UBXN2A: variants seen among roughly 807,000 people sequenced by gnomAD.
The protein encoded by UBXN2A is UBX domain-containing protein 2A.
In UBXN2A, 28 loss-of-function variants were observed where a neutral mutation model predicts 28.4. That is an observed-to-expected ratio of 0.99 (90% CI 0.73 to 1.35). UBXN2A has a LOEUF of 1.35. Ranked by LOEUF, UBXN2A falls within the 40% of genes most tolerant of loss-of-function variation. The pLI is 0.00. For missense variants in UBXN2A, 253 were observed against 297.9 expected, an observed-to-expected ratio of 0.85 and a Z score of 1.11; for synonymous variants, 97 against 103.6, an observed-to-expected ratio of 0.94 and a Z score of 0.39.
At position 23,985,919 on chromosome 2, in the gene UBXN2A, G is replaced by T. The variant is rs565486719; in HGVS notation, c.584+1088G>T. ...GAGGAGAATTGCTTGAGCCCAGGAG[G>T]TAGAGACTGCAGTGAGCCGAATTGC... On this transcript the variant is annotated intron_variant, in intron 6 of 6. Transcript: ENST00000309033. 1.1e-4 allele frequency among the ~76,000 whole-genome samples: 16 copies of T among 152,206 alleles called. 1 individual carries two copies. The South Asian group carries it at 3.3e-3, about 32-fold the overall frequency.
At chr2:23,943,373 A>G (rs1046011359) in intron 1 of UBXN2A, among the ~76,000 whole-genome samples, 4 of 152,182 alleles carry the variant, frequency 2.6e-5, no homozygotes, top group African/African-American at 9.7e-5. Context: ...AATTGTGGCA[A>G]TGAAGGCATT....
chr2:23,938,664 TC>T (rs2150789855), upstream of UBXN2A, among the ~76,000 whole-genome samples: 1 of 151,436 alleles, frequency 6.6e-6, no homozygotes, highest in East Asian at 1.9e-4. Flanking sequence ...GACTCAAACT[TC>T]CTGATTTCTA....
At chr2:23,983,074 T>C (rs1707980415) in intron 5 of UBXN2A, 41 bp downstream of exon 5, 1 of 1,510,374 alleles carries the variant, frequency 6.6e-7, no homozygotes, top group East Asian at 2.4e-5. Context: ...GATCAAGGCT[T>C]AACTAATATT....
intron 1 of UBXN2A, among the ~76,000 whole-genome samples, chr2:23,928,993 A>G (rs1705281145): frequency 6.6e-6 from 1 of 152,182 alleles, no homozygotes; most frequent in Admixed American, 6.5e-5. Flanking sequence ...ATTCCTGTGG[A>G]AAGAGGCTGG....
At chr2:23,945,354 C>G (rs1706016129) in intron 1 of UBXN2A, among the ~76,000 whole-genome samples, 2 of 152,214 alleles carry the variant, frequency 1.3e-5, no homozygotes, top group South Asian at 4.1e-4. Flanking sequence ...ATGATTACAG[C>G]TAAAATAAGC....
At chr2:23,955,493 A>G (rs36018307) in intron 1 of UBXN2A, among the ~76,000 whole-genome samples, 1 of 152,148 alleles carries the variant, frequency 6.6e-6, no homozygotes, top group Non-Finnish European at 1.5e-5. Flanking sequence ...TAAATCTTGT[A>G]TATATAATCC....
intron 2 of UBXN2A, among the ~76,000 whole-genome samples, chr2:23,961,601 G>A (rs1380284215): frequency 2.9e-5 from 4 of 137,244 alleles, no homozygotes; most frequent in South Asian, 2.4e-4. Flanking sequence ...AGGCTGGAGC[G>A]CAATGGCATG....
upstream of UBXN2A, among the ~76,000 whole-genome samples, chr2:23,935,878 C>G (rs995317573): frequency 6.6e-6 from 1 of 152,040 alleles, no homozygotes; most frequent in Admixed American, 6.6e-5. Context: ...GGCGAAACCC[C>G]ATCTCTACTA....
intron 6 of UBXN2A, among the ~76,000 whole-genome samples, chr2:23,985,847 A>G (rs767952773): frequency 1.3e-5 from 2 of 152,136 alleles, no homozygotes; most frequent in African/African-American, 2.4e-5. Context: ...AAATTTTTTT[A>G]AATTAGCTGA....
At chr2:23,936,316 A>G (rs1347185838), upstream of UBXN2A, among the ~76,000 whole-genome samples, 1 of 152,204 alleles carries the variant, frequency 6.6e-6, no homozygotes, top group African/African-American at 2.4e-5. Flanking sequence ...AATGAACTTG[A>G]AAATAATTAT....
intron 2 of UBXN2A, among the ~76,000 whole-genome samples, chr2:23,969,252 A>G (rs1046632632): frequency 6.6e-6 from 1 of 152,196 alleles, no homozygotes; most frequent in Non-Finnish European, 1.5e-5. Context: ...TTAAACTACT[A>G]TAGGCTGGAT....
chr2:23,967,088 A>G (rs1416123356), intron 2 of UBXN2A, among the ~76,000 whole-genome samples: 2 of 151,932 alleles, frequency 1.3e-5, no homozygotes, highest in Non-Finnish European at 2.9e-5. Flanking sequence ...TTCCTACGAT[A>G]CATCTCTACT....
chr2:23,931,199 G>T (rs1282147552), intron 1 of UBXN2A, among the ~76,000 whole-genome samples: 1 of 151,652 alleles, frequency 6.6e-6, no homozygotes, highest in Non-Finnish European at 1.5e-5. Context: ...TGTAACCCCA[G>T]CACTTTGGGG....
At chr2:23,984,585 T>C (rs1171677602) in intron 5 of UBXN2A, 88 bp from the exon 6 acceptor site, 9 of 1,127,134 alleles carry the variant, frequency 8.0e-6, no homozygotes, top group Non-Finnish European at 9.2e-6. Flanking sequence ...AAAGTTATAC[T>C]TGCTATAATA....
At chr2:23,986,105 G>A (rs1306079994) in intron 6 of UBXN2A, among the ~76,000 whole-genome samples, 4 of 152,004 alleles carry the variant, frequency 2.6e-5, no homozygotes, top group Non-Finnish European at 4.4e-5. Context: ...TCAGGAGATC[G>A]AGACCATCCT....
chr2:23,995,965 G>A (rs1365461366), intron 6 of UBXN2A, among the ~76,000 whole-genome samples: 7 of 151,622 alleles, frequency 4.6e-5, no homozygotes, highest in Non-Finnish European at 1.0e-4. Flanking sequence ...GCTCAATCTC[G>A]GCTCACTGCA....
chr2:23,949,264 C>T (rs995741296), intron 1 of UBXN2A, among the ~76,000 whole-genome samples: 1 of 151,852 alleles, frequency 6.6e-6, no homozygotes, highest in African/African-American at 2.4e-5. Flanking sequence ...ACCCAACCCT[C>T]TTGTAGCTTT....
intron 4 of UBXN2A, among the ~76,000 whole-genome samples, chr2:23,981,675 C>T (rs552042593): frequency 2.6e-5 from 4 of 152,086 alleles, no homozygotes; most frequent in African/African-American, 9.6e-5. Flanking sequence ...GGGCAGATCA[C>T]TTGAGCCTAG....
chr2:23,984,924 T>G (rs1406124526), intron 6 of UBXN2A, 93 bp downstream of exon 6: 39 of 1,364,652 alleles, frequency 2.9e-5, no homozygotes, highest in Non-Finnish European at 3.7e-5. Flanking sequence ...TTTTTAGAGA[T>G]AGAATCTTTC....
Sources: gnomAD v4.1 joint callset for allele counts (sites outside exome capture counted in the v4.1 genomes callset) on GRCh38, gnomAD v4.1.1 for gene constraint, MANE v1.5 for transcripts, NCBI Gene and HGNC (gene_info 2026-07-23, HGNC 2026-07-21) for gene names.